Variants in MTM1 observed in about 807,000 individuals in gnomAD.
MTM1 encodes myotubularin 1.
Under a neutral mutation model 52.1 loss-of-function variants are expected in MTM1, and 9 were observed. The ratio of observed to expected loss-of-function variants is 0.17; its 90% CI spans 0.10 to 0.30. The LOEUF is 0.30. MTM1 is among the 10% of genes least tolerant of loss of function. The pLI, the probability that MTM1 is intolerant of heterozygous loss-of-function variation, is 1.00. For synonymous variants in MTM1, 136 were observed against 163.8 expected (o/e 0.83, Z 1.29); for missense variants, 277 against 470.7 (o/e 0.59, Z 3.81).
chrX:150,592,129 T>G (rs1461969150), intron 1 of MTM1, among the ~76,000 whole-genome samples: 1 of 112,259 alleles, frequency 8.9e-6, no homozygotes, highest in Non-Finnish European at 1.9e-5. Context: ...CACTCTAAAC[T>G]GCCATCATTT....
At chrX:150,666,020 G>A (rs2040298914) in intron 14 of MTM1, among the ~76,000 whole-genome samples, 2 of 112,131 alleles carry the variant, frequency 1.8e-5, no homozygotes, top group South Asian at 7.4e-4. Context: ...ATATTAGCAG[G>A]TTGACCTGTG....
At chrX:150,660,961 C>G (rs2040210048) in intron 13 of MTM1, among the ~76,000 whole-genome samples, 1 of 111,894 alleles carries the variant, frequency 8.9e-6, no homozygotes, top group Non-Finnish European at 1.9e-5. Context: ...AAACACCTCC[C>G]ACTAGGTCCC....
intron 6 of MTM1, among the ~76,000 whole-genome samples, chrX:150,627,429 T>C (rs1408452594): frequency 8.9e-6 from 1 of 112,023 alleles, no homozygotes; most frequent in Non-Finnish European, 1.9e-5. Context: ...ATCTTCTACT[T>C]CGGCTGTGCC....
At chrX:150,620,914 C>T (rs1415203048) in intron 6 of MTM1, among the ~76,000 whole-genome samples, 3 of 109,776 alleles carry the variant, frequency 2.7e-5, no homozygotes, top group Non-Finnish European at 5.7e-5. Context: ...GTCAGGAGTT[C>T]GAGACCATCC....
chrX:150,588,899 A>C lies in MTM1; in HGVS notation c.-10-3706A>C, dbSNP rs145944033. Among the ~76,000 whole-genome samples, 421 of 112,106 alleles carry C rather than the reference A, an allele frequency of 3.8e-3. 3 individuals are homozygous for C. Among genetic ancestry groups the C allele is most frequent in the African/African-American group, 0.012 (380 of 30,873 alleles). On this transcript the variant is annotated intron_variant, in intron 1 of 14. Transcript: ENST00000370396. The stretch of plus-strand genomic sequence containing the variant: ...ATGAGTTTGTATGAACTTGTGGCTT[A>C]AGTGAAATATTACACTGCCAACAAC...
chrX:150,625,567 G>C (rs782000394), intron 6 of MTM1, among the ~76,000 whole-genome samples: 2 of 111,659 alleles, frequency 1.8e-5, no homozygotes, highest in African/African-American at 6.5e-5. Flanking sequence ...GAGATACGGG[G>C]GGCAGTGATA....
chrX:150,658,163 T>C, intron 11 of MTM1, 136 bp downstream of exon 11: 1 of 530,735 alleles, frequency 1.9e-6, no homozygotes, highest in South Asian at 2.9e-5. Context: ...TGAAAATGCA[T>C]GATGCCTTGG....
At chrX:150,611,873 G>A (rs782719014) in intron 4 of MTM1, among the ~76,000 whole-genome samples, 2 of 111,882 alleles carry the variant, frequency 1.8e-5, no homozygotes, top group Non-Finnish European at 3.8e-5. Flanking sequence ...TATATAAAAG[G>A]AATCATATAA....
Position 150,649,924 on chromosome X carries a change from T to C in MTM1, c.1053+23T>C, listed in dbSNP as rs180775341. The C allele has an allele frequency of 6.4e-4, 737 of 1,151,592 alleles. 1 individual carries two copies. The highest frequency in any genetic ancestry group is 7.1e-4 in the Non-Finnish European group (601 of 847,587). The allele number at this position is 1,151,592 out of a possible 1,213,427, so 94.9% of individuals were successfully genotyped here. On this transcript the variant is annotated intron_variant, in intron 10 of 14. Coordinates refer to ENST00000370396, the MANE Select transcript of MTM1 (RefSeq NM_000252.3). ...AAGGCAAGTATATTTTGTGAAAATATTTGTGTATATAAAAAAGAATGTAAT... is the reference window on the plus strand; with the variant it reads ...AAGGCAAGTATATTTTGTGAAAATACTTGTGTATATAAAAAAGAATGTAAT...
At chrX:150,659,875 T>C in intron 12 of MTM1, 119 bp downstream of exon 12, 1 of 585,219 alleles carries the variant, frequency 1.7e-6, no homozygotes, top group Admixed American at 2.7e-5. Flanking sequence ...GAAGCAAGAC[T>C]GGGCATGTGT....
chrX:150,647,570 C>A (rs2039956280), intron 9 of MTM1, among the ~76,000 whole-genome samples: 2 of 111,843 alleles, frequency 1.8e-5, no homozygotes, highest in Non-Finnish European at 3.8e-5. Context: ...CATCATCGTC[C>A]TAGGTAATCT....
intron 6 of MTM1, among the ~76,000 whole-genome samples, chrX:150,625,808 G>A (rs1350574421): frequency 3.6e-5 from 4 of 112,594 alleles, no homozygotes; most frequent in Non-Finnish European, 7.5e-5. Flanking sequence ...CGTGTGTGTG[G>A]TGGGAGATAT....
intron 1 of MTM1, among the ~76,000 whole-genome samples, chrX:150,581,023 C>G (rs2038573083): frequency 8.9e-6 from 1 of 111,915 alleles, no homozygotes; most frequent in Non-Finnish European, 1.9e-5. Context: ...TGGAACTCTT[C>G]TTTGGATTGA....
chrX:150,610,404 A>T (rs1218903579), intron 4 of MTM1, among the ~76,000 whole-genome samples: 3 of 91,903 alleles, frequency 3.3e-5, no homozygotes, highest in Non-Finnish European at 4.9e-5. Flanking sequence ...ACAGACAGAC[A>T]GAGACAGAGA....
chrX:150,620,245 G>A (rs1165080216), intron 6 of MTM1, among the ~76,000 whole-genome samples: 2 of 111,867 alleles, frequency 1.8e-5, no homozygotes, highest in African/African-American at 6.5e-5. Context: ...GTTTGAAGGA[G>A]CTGAAGCCCC....
intron 3 of MTM1, 51 bp from the exon 4 acceptor site, chrX:150,598,541 T>C: frequency 1.4e-6 from 1 of 724,052 alleles, no homozygotes; most frequent in Non-Finnish European, 2.2e-6. Context: ...ATTTGTTGTG[T>C]ATCTTGGTAT....
chrX:150,652,125 T>C (rs782629489), intron 10 of MTM1, among the ~76,000 whole-genome samples: 2 of 111,327 alleles, frequency 1.8e-5, no homozygotes, highest in East Asian at 5.6e-4. Flanking sequence ...CTTCAGCCTG[T>C]TTTGTAGACA....
intron 1 of MTM1, among the ~76,000 whole-genome samples, chrX:150,573,856 G>A (rs1557411535): frequency 8.9e-6 from 1 of 112,217 alleles, no homozygotes; most frequent in African/African-American, 3.2e-5. Flanking sequence ...GTGACCCTTG[G>A]CCATGACATG....
chrX:150,655,623 G>A (rs1306203492), intron 10 of MTM1, among the ~76,000 whole-genome samples: 2 of 112,198 alleles, frequency 1.8e-5, no homozygotes, highest in Non-Finnish European at 3.8e-5. Flanking sequence ...ATGATGCTAA[G>A]TGAAAGAAGC....
Sources: allele counts gnomAD v4.1 joint callset (sites outside exome capture counted in the v4.1 genomes callset), GRCh38; gene constraint gnomAD v4.1.1; transcripts MANE v1.5; gene names NCBI Gene and HGNC (gene_info 2026-07-23, HGNC 2026-07-21).